Variants in MAP2K5 observed in about 807,000 individuals in gnomAD.
MAP2K5 encodes the protein dual specificity mitogen-activated protein kinase kinase 5.
Under a neutral mutation model 83.1 loss-of-function variants are expected in MAP2K5, and 49 were observed. The observed-to-expected ratio is 0.59, with a 90% CI of 0.47 to 0.75. The LOEUF (loss-of-function observed/expected upper bound fraction) is 0.75, where lower values mean the gene tolerates loss of function less well. Ranked by LOEUF, MAP2K5 falls within the 30% of genes least tolerant of loss-of-function variation. The pLI is 0.00. For missense variants in MAP2K5, 457 were observed against 557.5 expected (o/e 0.82, Z 1.82); for synonymous variants, 202 against 191.8 (o/e 1.05, Z -0.44).
chr15:67,737,844 CTTTTTT>C (rs35988425), intron 17 of MAP2K5, among the ~76,000 whole-genome samples: 1 of 69,294 alleles, frequency 1.4e-5, no homozygotes, highest in Non-Finnish European at 2.5e-5. Flanking sequence ...ATAGAATAGT[CTTTTTT>C]TTTTTTTTTT....
rs1181949772 is a variant in MAP2K5 at position 67,799,245 on chromosome 15, ACT to A, written c.1243-7398_1243-7397del. Among the ~76,000 whole-genome samples, 5 of 152,356 alleles carry A rather than the reference ACT, an allele frequency of 3.3e-5. No individual in the cohort carries two copies. In the East Asian group the frequency reaches 9.6e-4, roughly 29 times the overall value. ...TCAGAACAAATGCCTTGTGTGGAAA[ACT>A]CTGCATTCGTGGCATTTGCCCAGGT... On this transcript the variant is annotated intron_variant, in intron 21 of 21. Coordinates refer to ENST00000178640, the MANE Select transcript of MAP2K5 (RefSeq NM_145160.3).
In MAP2K5 at chr15:67,779,184, A is replaced by C. The variant is rs763923601; in HGVS notation, c.1242+6432A>C. Among the ~76,000 whole-genome samples the C allele has an allele frequency of 1.1e-4, 16 of 152,234 alleles. No homozygotes were observed. Among genetic ancestry groups the C allele is most frequent in the Admixed American group, 4.6e-4 (7 of 15,280 alleles). On this transcript the variant is annotated intron_variant, in intron 21 of 21. Coordinates refer to ENST00000178640, the MANE Select transcript of MAP2K5 (RefSeq NM_145160.3). The surrounding 1 kb of genome is among the most constrained non-coding windows in gnomAD (Gnocchi z 4.6). ...GTCATCACAACAGCAAGGGGGCCCC[A>C]CGTAGGGTCCAGCTGACAACCATGG... is the stretch of plus-strand genomic sequence containing the variant.
intron 8 of MAP2K5, among the ~76,000 whole-genome samples, chr15:67,608,403 A>G (rs528256774): frequency 3.9e-5 from 6 of 152,274 alleles, no homozygotes; most frequent in Non-Finnish European, 7.4e-5. Context: ...TGCTGTGTGG[A>G]GGGCGTGTCA....
rs1469124923 is a variant in MAP2K5, at chr15:67,601,218, A to G, written c.545+469A>G. ...TTGTATTTTCTTCTCTCCTCACCCTACTCCCCTGAGATAATTTCTACACAT... is the reference window on the plus strand; with the variant it reads ...TTGTATTTTCTTCTCTCCTCACCCTGCTCCCCTGAGATAATTTCTACACAT... On this transcript the variant is annotated intron_variant, in intron 8 of 21. Coordinates refer to ENST00000178640, the MANE Select transcript of MAP2K5 (RefSeq NM_145160.3). 9.2e-5 allele frequency among the ~76,000 whole-genome samples: 14 copies of G among 151,700 alleles called. No homozygotes were observed. In the East Asian group the frequency reaches 2.3e-3, roughly 25 times the overall value.
chr15:67,709,231 C>T (rs2088631239), intron 16 of MAP2K5, among the ~76,000 whole-genome samples: 1 of 152,192 alleles, frequency 6.6e-6, no homozygotes, highest in African/African-American at 2.4e-5. Flanking sequence ...GAAGAGAACC[C>T]GTGTGGAACT....
In MAP2K5 at chr15:67,750,312, A is replaced by G. The variant is rs115185608; in HGVS notation, c.1134+1711A>G. 7.8e-3 allele frequency among the ~76,000 whole-genome samples: 1,181 copies of G among 152,356 alleles called. 19 individuals are homozygous for G. Among genetic ancestry groups the G allele is most frequent in the African/African-American group, 0.027 (1,129 of 41,580 alleles). On this transcript the variant is annotated intron_variant, in intron 19 of 21. Transcript: ENST00000178640. The surrounding 1 kb of genome is among the most constrained non-coding windows in gnomAD (Gnocchi z 4.2). ...CTTCCTTGTGGAAACTTGGGAAATG[A>G]ACATTGCCTTTGCTAAAACCAGGTT...
At position 67,548,350 on chromosome 15, in the gene MAP2K5, A is replaced by G. The variant is rs1350244039; in HGVS notation, c.136-1684A>G. Reference sequence around the variant, plus strand: ...AGTGTTCAATAAGTACTGCTGAAGGATGAAGTCAGTGAGTGAATCACCATC... The same window carrying G: ...AGTGTTCAATAAGTACTGCTGAAGGGTGAAGTCAGTGAGTGAATCACCATC... On this transcript the variant is annotated intron_variant, in intron 1 of 21. Coordinates refer to ENST00000178640, the MANE Select transcript of MAP2K5 (RefSeq NM_145160.3). Among the ~76,000 whole-genome samples, 3 of 152,288 alleles carry G rather than the reference A, an allele frequency of 2.0e-5. No individual in the cohort carries two copies. In the East Asian group the frequency reaches 5.8e-4, roughly 29 times the overall value.
intron 19 of MAP2K5, among the ~76,000 whole-genome samples, chr15:67,761,852 C>G (rs990432752): frequency 6.6e-6 from 1 of 152,008 alleles, no homozygotes; most frequent in African/African-American, 2.4e-5. Flanking sequence ...TGCTTTTAAT[C>G]AGCACTTCTG....
In MAP2K5 at chr15:67,654,642, T is replaced by A. The variant is rs544043589; in HGVS notation, c.737-3911T>A. 6.1e-4 allele frequency among the ~76,000 whole-genome samples: 93 copies of A among 152,318 alleles called. 1 individual carries two copies. Among genetic ancestry groups the A allele is most frequent in the African/African-American group, 2.2e-3 (91 of 41,586 alleles). ...AAGTAGATATTTTCAAAGGTACCATTTAAATTCCCCATGGTTGCTTTTACT... is the reference window on the plus strand; with the variant it reads ...AAGTAGATATTTTCAAAGGTACCATATAAATTCCCCATGGTTGCTTTTACT... On this transcript the variant is annotated intron_variant, in intron 11 of 21. Transcript: ENST00000178640.
intron 16 of MAP2K5, 130 bp downstream of exon 16, chr15:67,703,538 A>G: frequency 1.4e-6 from 1 of 691,610 alleles, no homozygotes; most frequent in South Asian, 1.9e-5. Flanking sequence ...ACAGAGTTTG[A>G]CCATAAAGTC....
intron 13 of MAP2K5, among the ~76,000 whole-genome samples, chr15:67,678,918 C>T (rs1596779324): frequency 1.4e-5 from 2 of 140,302 alleles, no homozygotes; most frequent in East Asian, 2.1e-4. Context: ...GAGGTGAGAT[C>T]GTGCCACTGC....
At position 67,758,381 on chromosome 15, in the gene MAP2K5, GAA is replaced by G. The variant is rs1482900420; in HGVS notation, c.1134+9782_1134+9783del. Among the ~76,000 whole-genome samples the G allele has an allele frequency of 3.1e-4, 47 of 152,230 alleles. No homozygotes were observed. The highest frequency in any genetic ancestry group is 1.1e-3 in the African/African-American group (45 of 41,532). The stretch of plus-strand genomic sequence containing the variant: ...GTACTCTCCTGAGATGGGGCACACG[GAA>G]AGAGAGGCATTTTCAAGGGATGAGA... On this transcript the variant is annotated intron_variant, in intron 19 of 21. Transcript: ENST00000178640. This position sits in a 1 kb window ranked among gnomAD's most constrained non-coding sequence, Gnocchi z 4.7.
chr15:67,792,287 A>G (rs2090531217), intron 21 of MAP2K5, among the ~76,000 whole-genome samples: 1 of 152,164 alleles, frequency 6.6e-6, no homozygotes, highest in Non-Finnish European at 1.5e-5. Context: ...TTAAATTTCA[A>G]GGATAATTAG....
At chr15:67,739,068 C>A (rs8030996) in intron 17 of MAP2K5, among the ~76,000 whole-genome samples, 1 of 151,616 alleles carries the variant, frequency 6.6e-6, no homozygotes, top group African/African-American at 2.4e-5. Context: ...TCACGTGAGC[C>A]CAGGAGTTTG....
At chr15:67,697,588 C>G (rs2088298102) in intron 15 of MAP2K5, among the ~76,000 whole-genome samples, 1 of 152,190 alleles carries the variant, frequency 6.6e-6, no homozygotes, top group South Asian at 2.1e-4. Context: ...ATATCCAGTA[C>G]CTCACACAGT....
At chr15:67,776,970 G>A (rs1030592140) in intron 21 of MAP2K5, among the ~76,000 whole-genome samples, 3 of 152,194 alleles carry the variant, frequency 2.0e-5, no homozygotes, top group Admixed American at 6.5e-5. Context: ...AATTACATCC[G>A]AAGTTATCTA....
chr15:67,695,877 G>C lies in MAP2K5; in HGVS notation c.972+2309G>C, dbSNP rs577591945. Among the ~76,000 whole-genome samples, 8 of 152,276 alleles carry C rather than the reference G, an allele frequency of 5.3e-5. No individual in the cohort carries two copies. The East Asian group carries it at 1.3e-3, about 26-fold the overall frequency. ...AAACTAAAATTGCTTTGCTTCTTAG[G>C]TGAGTGAATTCTAGTCGTCAGCTTT... is the stretch of plus-strand genomic sequence containing the variant. On this transcript the variant is annotated intron_variant, in intron 15 of 21. Coordinates refer to ENST00000178640, the MANE Select transcript of MAP2K5 (RefSeq NM_145160.3).
chr15:67,738,459 A>G lies in MAP2K5; in HGVS notation c.1075-9772A>G, dbSNP rs753097417. On this transcript the variant is annotated intron_variant, in intron 17 of 21. Coordinates refer to ENST00000178640, the MANE Select transcript of MAP2K5 (RefSeq NM_145160.3). The surrounding 1 kb of genome is among the most constrained non-coding windows in gnomAD (Gnocchi z 4.1). ...GGGTAGAGGGCATAGGAGGCAGCAAATGACACACCCGACAAGTGACAAATT... is the reference window on the plus strand; with the variant it reads ...GGGTAGAGGGCATAGGAGGCAGCAAGTGACACACCCGACAAGTGACAAATT... 1.1e-4 allele frequency among the ~76,000 whole-genome samples: 16 copies of G among 152,224 alleles called. No homozygotes were observed. Among genetic ancestry groups the G allele is most frequent in the Non-Finnish European group, 1.8e-4 (12 of 68,038 alleles).
intron 5 of MAP2K5, 51 bp downstream of exon 5, chr15:67,585,981 G>A (rs764988559): frequency 6.8e-7 from 1 of 1,472,228 alleles, no homozygotes; most frequent in Non-Finnish European, 9.5e-7. Flanking sequence ...TTGTAATGCT[G>A]TGTTCCACTT....
Sources: gnomAD v4.1 joint callset for allele counts (sites outside exome capture counted in the v4.1 genomes callset) on GRCh38, gnomAD v4.1.1 for gene constraint, Gnocchi (gnomAD v3.1) non-coding constraint, MANE v1.5 for transcripts, NCBI Gene and HGNC (gene_info 2026-07-23, HGNC 2026-07-21) for gene names.